Variants in DCLRE1B observed in about 807,000 individuals in gnomAD.
DCLRE1B encodes DNA cross-link repair 1B, also known as 5' exonuclease Apollo.
DCLRE1B carries 6 observed loss-of-function variants against 19.8 expected under a neutral mutation model. The observed-to-expected ratio is 0.30, with a 90% CI of 0.17 to 0.60. DCLRE1B has a LOEUF of 0.60. Ranked by LOEUF, DCLRE1B falls within the 20% of genes least tolerant of loss-of-function variation. The pLI, the probability that DCLRE1B is intolerant of heterozygous loss-of-function variation, is 0.87. For missense variants in DCLRE1B, 622 were observed against 654.2 expected (o/e 0.95, Z 0.54); for synonymous variants, 258 against 255.7 (o/e 1.01, Z -0.09).
chr1:113,905,647 G>T lies in DCLRE1B; in HGVS notation c.61G>T (p.Ala21Ser). ...AGTGGACTTCTGGAGCCTGCGCCGG[G>T]CTGGCACCGCACGTCTCTTCTTCTT... ...IAVDFWSLRR[A>S]GTARLFFLSH... Residue 21 changes from alanine (A) to serine (S), a missense_variant, in exon 1 of 4, where the codon GCT (alanine) becomes TCT (serine). Physicochemically the swap from Ala to Ser is moderately conservative, Grantham distance 99. This residue lies in a region of DCLRE1B where 237 missense variants were observed against 223.8 expected (regional missense o/e 1.06). Transcript: ENST00000650450. 2 of 1,614,170 alleles carry T rather than the reference G, an allele frequency of 1.2e-6. No individual in the cohort carries two copies. The highest frequency in any genetic ancestry group is 2.2e-5 in the South Asian group (2 of 91,086).
rs150374247 is a variant in DCLRE1B at position 113,908,125 on chromosome 1, C to T, written c.472C>T (p.Arg158Ter). The T allele has an allele frequency of 2.7e-5, 43 of 1,614,050 alleles. No individual in the cohort carries two copies. Among genetic ancestry groups the T allele is most frequent in the Middle Eastern group, 1.6e-4 (1 of 6,084 alleles). Residue 158 changes from arginine (R) to a stop codon, truncating the protein, a stop_gained, in exon 3 of 4, where the codon CGA (arginine) becomes TGA (stop). Transcript: ENST00000650450. LOFTEE classifies it high-confidence loss of function. ...NCNPALVLPS[R>*]QEAAHQIVQL... The stretch of plus-strand genomic sequence containing the variant: ...CAATCCAGCCCTGGTTCTTCCTTCC[C>T]GACAAGAAGCTGCCCACCAGATTGT...
Position 113,905,659 on chromosome 1 carries a change from C to T in DCLRE1B, c.73C>T (p.Arg25Cys), listed in dbSNP as rs1668880591. 2 of 1,614,218 alleles carry T rather than the reference C, an allele frequency of 1.2e-6. No individual in the cohort carries two copies. The highest frequency in any genetic ancestry group is 1.3e-5 in the African/African-American group (1 of 75,066). Residue 25 changes from arginine to cysteine, a missense_variant, in exon 1 of 4, where the codon CGT becomes TGT. By Grantham distance (180) the Arg-to-Cys change is radical. Coordinates refer to ENST00000650450, the MANE Select transcript of DCLRE1B (RefSeq NM_022836.4). Reference protein sequence around the residue: ...FWSLRRAGTARLFFLSHMHSD... With the variant: ...FWSLRRAGTACLFFLSHMHSD... Reference sequence around the variant, plus strand: ...GAGCCTGCGCCGGGCTGGCACCGCACGTCTCTTCTTCTTGTCTCACATGCA... The same window carrying T: ...GAGCCTGCGCCGGGCTGGCACCGCATGTCTCTTCTTCTTGTCTCACATGCA...
chr1:113,909,010 A>G (rs1168591122), intron 3 of DCLRE1B, among the ~76,000 whole-genome samples: 1 of 152,244 alleles, frequency 6.6e-6, no homozygotes, highest in African/African-American at 2.4e-5. Context: ...GAAGGATTTT[A>G]AGTAGAAGAG....
intron 2 of DCLRE1B, 48 bp downstream of exon 2, chr1:113,907,209 T>G (rs757132464): frequency 3.4e-5 from 25 of 729,460 alleles, no homozygotes; most frequent in South Asian, 2.1e-4. Flanking sequence ...TAGATGTTTT[T>G]TTTTTTTTTT....
In DCLRE1B at chr1:113,912,930, GAAC is replaced by G. The variant is rs1669320782; in HGVS notation, c.*745_*747del. 1 of 152,656 alleles carries G rather than the reference GAAC, an allele frequency of 6.6e-6. No homozygotes were observed. The highest frequency in any genetic ancestry group is 1.5e-5 in the Non-Finnish European group (1 of 68,036). 9.5% of individuals were successfully genotyped at this position (152,656 alleles called of 1,614,324 possible). ...CCAAGGCAGTACCTAGAGCCCAGCTGAACAACAAGGCTTTGGGTGTGAAGGGAC... is the reference window on the plus strand; with the variant it reads ...CCAAGGCAGTACCTAGAGCCCAGCTGAACAAGGCTTTGGGTGTGAAGGGAC... On this transcript the variant is annotated 3_prime_UTR_variant, in exon 4 of 4. Coordinates refer to ENST00000650450, the MANE Select transcript of DCLRE1B (RefSeq NM_022836.4).
At chr1:113,907,202 ATGTT>A (rs1558106743) in intron 2 of DCLRE1B, 41 bp downstream of exon 2, 119 of 203,112 alleles carry the variant, frequency 5.9e-4, no homozygotes, top group South Asian at 1.3e-3. Context: ...TCCAGACTAG[ATGTT>A]TTTTTTTTTT....
In DCLRE1B at chr1:113,911,755, A is replaced by G. The variant is rs745340882; in HGVS notation, c.1163A>G (p.Gln388Arg). 2.3e-5 allele frequency: 37 copies of G among 1,614,192 alleles called. No individual in the cohort carries two copies. In the East Asian group the frequency reaches 6.0e-4, roughly 26 times the overall value. Residue 388 changes from glutamine (Q) to arginine (R), a missense_variant, in exon 4 of 4, where the codon CAG (glutamine) becomes CGG (arginine). By Grantham distance (43) the Gln-to-Arg change is conservative. Coordinates refer to ENST00000650450, the MANE Select transcript of DCLRE1B (RefSeq NM_022836.4). Reference protein sequence around the residue: ...LSPWPADLEKQPSHHPLRIKK... With the variant: ...LSPWPADLEKRPSHHPLRIKK... ...CCCTGGCCTGCGGACCTTGAAAAGC[A>G]GCCTTCCCACCATCCTTTGCGGATC...
rs71090746 is a variant in DCLRE1B at position 113,907,204 on chromosome 1, GTTTTTTTTT to G, written c.355+65_355+73del. 2,235 of 491,442 alleles carry G rather than the reference GTTTTTTTTT, an allele frequency of 4.5e-3. 15 individuals are homozygous for G. The highest frequency in any genetic ancestry group is 9.8e-3 in the East Asian group (269 of 27,358). 30.4% of individuals were successfully genotyped at this position (491,442 alleles called of 1,614,324 possible). ...TCCCAGTGACTTCTCCAGACTAGATGTTTTTTTTTTTTTTTTTTTTTTTTTTTTTTAATG... is the reference window on the plus strand; with the variant it reads ...TCCCAGTGACTTCTCCAGACTAGATGTTTTTTTTTTTTTTTTTTTTTAATG... On this transcript the variant is annotated intron_variant, in intron 2 of 3. Transcript: ENST00000650450.
At chr1:113,908,494 G>C in intron 3 of DCLRE1B, among the ~76,000 whole-genome samples, 1 of 152,182 alleles carries the variant, frequency 6.6e-6, no homozygotes, top group Non-Finnish European at 1.5e-5. Context: ...TGTGGTCCCA[G>C]CTACACAGGG....
intron 3 of DCLRE1B, among the ~76,000 whole-genome samples, chr1:113,909,277 T>G (rs1420024709): frequency 1.3e-5 from 2 of 152,246 alleles, no homozygotes; most frequent in Non-Finnish European, 2.9e-5. Flanking sequence ...GGTTTGTGCT[T>G]GTTGTACTGA....
chr1:113,911,204 T>C lies in DCLRE1B; in HGVS notation c.612T>C (p.Ser204=). Reference sequence around the variant, plus strand: ...AGTTTCAGACCTGGGTGGTATTGAGTCCTCGGCGCCTGGAGTTGGTACAGC... The same window carrying C: ...AGTTTCAGACCTGGGTGGTATTGAGCCCTCGGCGCCTGGAGTTGGTACAGC... ...ALEFQTWVVL[S]PRRLELVQLL... is the part of the protein sequence containing the mutation. The change falls in exon 4 of 4, where the codon AGT becomes AGC. Residue 204 remains serine (S), a synonymous_variant. Coordinates refer to ENST00000650450, the MANE Select transcript of DCLRE1B (RefSeq NM_022836.4). 1 of 1,614,034 alleles carries C rather than the reference T, an allele frequency of 6.2e-7. No individual in the cohort carries two copies. Among genetic ancestry groups the C allele is most frequent in the South Asian group, 1.1e-5 (1 of 91,080 alleles).
chr1:113,907,208 T>TTTTTTTTTG, intron 2 of DCLRE1B, 47 bp downstream of exon 2: 4 of 694,068 alleles, frequency 5.8e-6, no homozygotes, highest in Non-Finnish European at 7.3e-6. Flanking sequence ...CTAGATGTTT[T>TTTTTTTTTG]TTTTTTTTTT....
At chr1:113,906,264 G>A (rs1332816353) in intron 1 of DCLRE1B, among the ~76,000 whole-genome samples, 2 of 151,172 alleles carry the variant, frequency 1.3e-5, no homozygotes, top group Non-Finnish European at 3.0e-5. Context: ...CACCATGTTG[G>A]CCAGGCTGTT....
chr1:113,905,884 G>A (rs1668910667), intron 1 of DCLRE1B, 109 bp downstream of exon 1: 5 of 1,337,174 alleles, frequency 3.7e-6, no homozygotes, highest in Non-Finnish European at 2.0e-6. Flanking sequence ...TGATTTGGAA[G>A]TTGTTTGAAC....
intron 3 of DCLRE1B, among the ~76,000 whole-genome samples, chr1:113,909,692 A>G (rs1669180280): frequency 1.3e-5 from 2 of 152,218 alleles, no homozygotes; most frequent in Admixed American, 1.3e-4. Context: ...TGCTATAGTA[A>G]GCCTTAATTA....
At chr1:113,909,900 T>C (rs1360809598) in intron 3 of DCLRE1B, among the ~76,000 whole-genome samples, 2 of 152,138 alleles carry the variant, frequency 1.3e-5, no homozygotes, top group Non-Finnish European at 1.5e-5. Context: ...AGGAGTGAGA[T>C]TTTGAACCAT....
At chr1:113,909,552 C>T (rs900126387) in intron 3 of DCLRE1B, among the ~76,000 whole-genome samples, 2 of 152,156 alleles carry the variant, frequency 1.3e-5, no homozygotes, top group African/African-American at 4.8e-5. Context: ...TATATAACTT[C>T]CAGGGTGACT....
chr1:113,906,592 G>C (rs1384129761), intron 1 of DCLRE1B, among the ~76,000 whole-genome samples: 1 of 151,022 alleles, frequency 6.6e-6, no homozygotes, highest in Non-Finnish European at 1.5e-5. Flanking sequence ...CCGGGTTCAC[G>C]CCATTCTCCT....
chr1:113,911,630 G>T lies in DCLRE1B; in HGVS notation c.1038G>T (p.Arg346Ser), dbSNP rs754039785. Reference protein sequence around the residue: ...LLWLLERRLKRPRTQGVVFES... With the variant: ...LLWLLERRLKSPRTQGVVFES... ...GGCTGTTAGAAAGGAGGCTAAAGAGGCCGAGAACCCAAGGTGTTGTGTTTG... is the reference window on the plus strand; with the variant it reads ...GGCTGTTAGAAAGGAGGCTAAAGAGTCCGAGAACCCAAGGTGTTGTGTTTG... The change falls in exon 4 of 4, where the codon AGG becomes AGT. Residue 346 changes from arginine (R) to serine (S), a missense_variant. Transcript: ENST00000650450. The T allele has an allele frequency of 4.4e-6, 7 of 1,600,472 alleles. No individual in the cohort carries two copies. Among genetic ancestry groups the T allele is most frequent in the Middle Eastern group, 1.7e-4 (1 of 6,000 alleles).
Sources: allele counts gnomAD v4.1 joint callset (sites outside exome capture counted in the v4.1 genomes callset), GRCh38; gene constraint gnomAD v4.1.1; regional missense constraint gnomAD v4.1.1; transcripts MANE v1.5; gene names NCBI Gene and HGNC (gene_info 2026-07-23, HGNC 2026-07-21).